The following SHROOM3 variants were observed in gnomAD, a reference collection of about 807,000 sequenced individuals.
SHROOM3 encodes shroom family member 3.
In SHROOM3, 47 loss-of-function variants were observed where a neutral mutation model predicts 138.6. That is an observed-to-expected ratio of 0.34 (90% CI 0.27 to 0.43). The LOEUF (loss-of-function observed/expected upper bound fraction) is 0.43. Among genes scored for constraint, SHROOM3 ranks in the 20% least tolerant of loss-of-function variants. SHROOM3 has a pLI of 1.00. For synonymous variants in SHROOM3, 1,062 were observed against 1,063.3 expected (o/e 1.00, Z 0.02); for missense variants, 2,491 against 2,596.5 (o/e 0.96, Z 0.88).
rs2110134640 is a variant in SHROOM3 at position 76,741,006 on chromosome 4, G to C, written c.2833G>C (p.Asp945His). 1 of 1,488,408 alleles carries C rather than the reference G, an allele frequency of 6.7e-7. No homozygotes were observed. Among genetic ancestry groups the C allele is most frequent in the Middle Eastern group, 1.8e-4 (1 of 5,656 alleles). The allele number at this position is 1,488,408 out of a possible 1,614,324, so 92.2% of individuals were successfully genotyped here. The change falls in exon 5 of 11, where the codon GAC becomes CAC. Residue 945 changes from aspartate (D) to histidine (H), a missense_variant. Asp to His is a moderately conservative substitution (Grantham distance 81, BLOSUM62 -1). Coordinates refer to ENST00000296043, the MANE Select transcript of SHROOM3 (RefSeq NM_020859.4). The surrounding 1 kb of genome is among the most constrained non-coding windows in gnomAD (Gnocchi z 6.2). ...GGGGGCCACCTCCTTTCGACGTCGAGACCTGGAGCTGGGGGCGCCCGTGGC... is the reference window on the plus strand; with the variant it reads ...GGGGGCCACCTCCTTTCGACGTCGACACCTGGAGCTGGGGGCGCCCGTGGC... ...VLGATSFRRR[D>H]LELGAPVASR...
chr4:76,763,491 A>C (rs1345886061), intron 9 of SHROOM3, among the ~76,000 whole-genome samples: 2 of 152,080 alleles, frequency 1.3e-5, no homozygotes, highest in Non-Finnish European at 2.9e-5. Context: ...CTTGAGCCCG[A>C]CAGGCAGAGG....
chr4:76,697,914 T>C (rs1307440870), intron 2 of SHROOM3, among the ~76,000 whole-genome samples: 3 of 152,120 alleles, frequency 2.0e-5, no homozygotes, highest in Admixed American at 6.5e-5. Flanking sequence ...AATTCAAGCA[T>C]TTATGACACT....
At chr4:76,752,673 C>G (rs1303883447) in intron 6 of SHROOM3, among the ~76,000 whole-genome samples, 11 of 152,086 alleles carry the variant, frequency 7.2e-5, no homozygotes, top group African/African-American at 2.7e-4. Context: ...CACGGAGAAG[C>G]ATTCTCAACC....
At position 76,648,325 on chromosome 4, in the gene SHROOM3, C is replaced by G. The variant is rs148207125; in HGVS notation, c.324-61831C>G. Among the ~76,000 whole-genome samples the G allele has an allele frequency of 1.1e-3, 170 of 152,204 alleles. 1 individual carries two copies. In the East Asian group the frequency reaches 0.015, roughly 13 times the overall value. On this transcript the variant is annotated intron_variant, in intron 2 of 10. Coordinates refer to ENST00000296043, the MANE Select transcript of SHROOM3 (RefSeq NM_020859.4). ...CCTTGGTGACAGAGTGATATCTTATCTTTAAAAAAAGAAAGAAAGAAAAAC... is the reference window on the plus strand; with the variant it reads ...CCTTGGTGACAGAGTGATATCTTATGTTTAAAAAAAGAAAGAAAGAAAAAC...
At chr4:76,719,178 G>A (rs1720465983) in intron 3 of SHROOM3, among the ~76,000 whole-genome samples, 1 of 152,176 alleles carries the variant, frequency 6.6e-6, no homozygotes, top group Non-Finnish European at 1.5e-5. Flanking sequence ...AGCTATCTGA[G>A]CCTCTCTGAG....
intron 2 of SHROOM3, among the ~76,000 whole-genome samples, chr4:76,581,876 C>T (rs1156682264): frequency 6.6e-6 from 1 of 152,226 alleles, no homozygotes; most frequent in Non-Finnish European, 1.5e-5. Context: ...ACATCATCAT[C>T]ATCTTGGACC....
At chr4:76,457,519 G>A (rs1731052455) in intron 1 of SHROOM3, among the ~76,000 whole-genome samples, 1 of 149,988 alleles carries the variant, frequency 6.7e-6, no homozygotes, top group Non-Finnish European at 1.5e-5. Flanking sequence ...TTGAGATGGA[G>A]TCTCGCTCTG....
intron 3 of SHROOM3, among the ~76,000 whole-genome samples, chr4:76,730,599 G>A (rs556296879): frequency 6.6e-6 from 1 of 152,306 alleles, no homozygotes; most frequent in Non-Finnish European, 1.5e-5. Flanking sequence ...GTCAAAATAA[G>A]TAAAAATTTT....
At chr4:76,517,219 C>T (rs567964647) in intron 1 of SHROOM3, among the ~76,000 whole-genome samples, 11 of 152,130 alleles carry the variant, frequency 7.2e-5, no homozygotes, top group South Asian at 2.1e-4. Context: ...AGAAAGAGTC[C>T]GTGTGTCTGC....
At chr4:76,671,931 A>G (rs1718896317) in intron 2 of SHROOM3, among the ~76,000 whole-genome samples, 1 of 152,116 alleles carries the variant, frequency 6.6e-6, no homozygotes, top group African/African-American at 2.4e-5. Context: ...TCCAGTGAAG[A>G]TTTCCTTTGG....
Position 76,754,303 on chromosome 4 carries a change from C to A in SHROOM3, c.3828-8C>A. On this transcript the variant is annotated splice_region_variant and splice_polypyrimidine_tract_variant and intron_variant, in intron 6 of 10. Transcript: ENST00000296043. ...AGCTGTAACCCTCCTGTCTGTGTGC[C>A]GTTCCAGGTCACTCAGTTGTTCAGA... The A allele has an allele frequency of 1.2e-6, 2 of 1,614,128 alleles. No individual in the cohort carries two copies. Among genetic ancestry groups the A allele is most frequent in the South Asian group, 1.1e-5 (1 of 91,040 alleles).
chr4:76,726,591 C>A (rs1720712966), intron 3 of SHROOM3, among the ~76,000 whole-genome samples: 1 of 148,656 alleles, frequency 6.7e-6, no homozygotes, highest in South Asian at 2.1e-4. Context: ...CTGGAAGCTG[C>A]AATGCAGTGG....
intron 1 of SHROOM3, among the ~76,000 whole-genome samples, chr4:76,503,195 A>C (rs1442222673): frequency 6.6e-6 from 1 of 151,588 alleles, no homozygotes; most frequent in Non-Finnish European, 1.5e-5. Flanking sequence ...ACACACACAC[A>C]CATGCCTAGA....
intron 1 of SHROOM3, among the ~76,000 whole-genome samples, chr4:76,454,009 C>T (rs779322516): frequency 4.6e-5 from 7 of 152,104 alleles, no homozygotes; most frequent in African/African-American, 1.2e-4. Context: ...TTAGCTTTGA[C>T]ATTTAGGACT....
intron 1 of SHROOM3, among the ~76,000 whole-genome samples, chr4:76,461,191 A>G (rs1236929481): frequency 1.3e-5 from 2 of 152,166 alleles, no homozygotes; most frequent in African/African-American, 4.8e-5. Context: ...AACCCCTAAC[A>G]TAATGCTCTC....
At chr4:76,733,656 C>G (rs1243646306) in intron 4 of SHROOM3, among the ~76,000 whole-genome samples, 2 of 152,120 alleles carry the variant, frequency 1.3e-5, no homozygotes, top group Non-Finnish European at 2.9e-5. Flanking sequence ...TTCTGAGGAG[C>G]ACAGTGGCAT....
chr4:76,464,132 C>T (rs1012264536), intron 1 of SHROOM3, among the ~76,000 whole-genome samples: 5 of 152,246 alleles, frequency 3.3e-5, no homozygotes, highest in Non-Finnish European at 7.3e-5. Flanking sequence ...CACTCAACAC[C>T]AGCCTGTGAA....
intron 3 of SHROOM3, among the ~76,000 whole-genome samples, chr4:76,717,534 CTGTCTTT>C (rs1328520134): frequency 6.6e-6 from 1 of 151,904 alleles, no homozygotes; most frequent in African/African-American, 2.4e-5. Context: ...CTGGAATTTT[CTGTCTTT>C]TTTTCTCCTT....
intron 6 of SHROOM3, 62 bp from the exon 7 acceptor site, chr4:76,754,249 T>C (rs777149151): frequency 3.7e-5 from 60 of 1,602,066 alleles, no homozygotes; most frequent in Middle Eastern, 1.6e-4. Flanking sequence ...GTAAGGAGCA[T>C]TGGGCTGCAT....
Sources: allele counts gnomAD v4.1 joint callset (sites outside exome capture counted in the v4.1 genomes callset), GRCh38; gene constraint gnomAD v4.1.1; non-coding constraint Gnocchi (gnomAD v3.1); transcripts MANE v1.5; gene names NCBI Gene and HGNC (gene_info 2026-07-23, HGNC 2026-07-21).